Variants in HSD17B12 observed in about 807,000 individuals in gnomAD.
HSD17B12 encodes the protein very-long-chain 3-oxoacyl-CoA reductase.
A neutral mutation model predicts 39.3 loss-of-function variants in HSD17B12; 32 were observed. The ratio of observed to expected loss-of-function variants is 0.81; its 90% CI spans 0.61 to 1.09. The LOEUF (loss-of-function observed/expected upper bound fraction) is 1.09, where lower values mean the gene tolerates loss of function less well. Ranked by LOEUF, HSD17B12 falls within the 50% of genes least tolerant of loss-of-function variation. The pLI, the probability that HSD17B12 is intolerant of heterozygous loss-of-function variation, is 0.00. For synonymous variants in HSD17B12, 150 were observed against 146.7 expected, an observed-to-expected ratio of 1.02 and a Z score of -0.16; for missense variants, 342 against 382.9, an observed-to-expected ratio of 0.89 and a Z score of 0.89.
At chr11:43,774,739 A>G (rs993052559) in intron 3 of HSD17B12, among the ~76,000 whole-genome samples, 1 of 152,200 alleles carries the variant, frequency 6.6e-6, no homozygotes, top group African/African-American at 2.4e-5. Flanking sequence ...GACATGATCC[A>G]AGTAAGATAC....
chr11:43,854,750 T>A lies in HSD17B12; in HGVS notation c.720T>A (p.Ala240=). ...CATACTTCGTAGCTACAAAACTGGC[T>A]AAAATCCGGAAGCCAACTTTGGATA... ...VLPYFVATKL[A]KIRKPTLDKP... is the part of the protein sequence containing the mutation. Residue 240 remains alanine (A), a synonymous_variant, in exon 10 of 11, where the codon GCT becomes GCA. Transcript: ENST00000278353. 1 of 1,614,150 alleles carries A rather than the reference T, an allele frequency of 6.2e-7. No individual in the cohort carries two copies. The highest frequency in any genetic ancestry group is 8.5e-7 in the Non-Finnish European group (1 of 1,180,030).
chr11:43,705,577 C>T (rs1244881438), intron 1 of HSD17B12, among the ~76,000 whole-genome samples: 2 of 152,042 alleles, frequency 1.3e-5, no homozygotes, highest in Non-Finnish European at 2.9e-5. Flanking sequence ...TTTCTAATTA[C>T]GTTCCAAATC....
chr11:43,588,648 T>C, the HSD17B12 span, among the ~76,000 whole-genome samples: 1 of 97,468 alleles, frequency 1.0e-5, no homozygotes, highest in East Asian at 5.3e-4. Flanking sequence ...AGTGTTCTCT[T>C]TCCTGTCTGA....
chr11:43,597,530 ATAT>A, the HSD17B12 span, among the ~76,000 whole-genome samples: 3 of 152,316 alleles, frequency 2.0e-5, no homozygotes, highest in East Asian at 5.8e-4. Context: ...TCTGGTGATA[ATAT>A]TAGAGTGGTT....
At chr11:43,786,694 C>A (rs1368241050) in intron 3 of HSD17B12, among the ~76,000 whole-genome samples, 1 of 152,188 alleles carries the variant, frequency 6.6e-6, no homozygotes, top group Admixed American at 6.5e-5. Flanking sequence ...ATTTAAAAAA[C>A]AACATGACCT....
intron 3 of HSD17B12, among the ~76,000 whole-genome samples, chr11:43,760,341 C>A (rs1183027061): frequency 1.3e-5 from 2 of 152,116 alleles, no homozygotes; most frequent in African/African-American, 4.8e-5. Context: ...TAAGCCACTG[C>A]GCCCAGCCCA....
At chr11:43,753,112 A>G (rs768436832) in intron 2 of HSD17B12, among the ~76,000 whole-genome samples, 42 of 152,016 alleles carry the variant, frequency 2.8e-4, no homozygotes, top group Admixed American at 1.3e-4. Flanking sequence ...CTACTACTAT[A>G]TTTATGTGTC....
intron 6 of HSD17B12, among the ~76,000 whole-genome samples, chr11:43,817,610 TC>T (rs1364180372): frequency 2.0e-5 from 3 of 152,182 alleles, no homozygotes; most frequent in Admixed American, 6.5e-5. Context: ...GGGTGTCCTT[TC>T]TCCACTTTAT....
intron 3 of HSD17B12, chr11:43,754,937 A>G (rs1950496330): frequency 2.7e-6 from 2 of 751,224 alleles, no homozygotes; most frequent in Admixed American, 3.6e-5. Flanking sequence ...TACTCAATCA[A>G]CCAGATGGAT....
At chr11:43,748,213 G>A (rs1408986258) in intron 1 of HSD17B12, among the ~76,000 whole-genome samples, 1 of 152,070 alleles carries the variant, frequency 6.6e-6, no homozygotes, top group Non-Finnish European at 1.5e-5. Context: ...ATTAGTCCAG[G>A]TGCCCATCAA....
intron 6 of HSD17B12, among the ~76,000 whole-genome samples, chr11:43,818,605 T>G (rs188078987): frequency 1.3e-5 from 2 of 152,310 alleles, no homozygotes; most frequent in East Asian, 3.9e-4. Flanking sequence ...TTTAAGGAAA[T>G]TCAAAGCATG....
At chr11:43,576,116 A>G in the HSD17B12 span, among the ~76,000 whole-genome samples, 2 of 152,196 alleles carry the variant, frequency 1.3e-5, no homozygotes, top group Admixed American at 6.5e-5. Context: ...CAGCTCTAAG[A>G]ATACAACCAC....
chr11:43,729,292 T>A (rs1950248058), intron 1 of HSD17B12, among the ~76,000 whole-genome samples: 1 of 152,212 alleles, frequency 6.6e-6, no homozygotes, highest in South Asian at 2.1e-4. Flanking sequence ...CAAGTTTATA[T>A]GTTTAGTAGT....
intron 3 of HSD17B12, among the ~76,000 whole-genome samples, chr11:43,757,639 CA>C (rs60598991): frequency 1.4e-3 from 10 of 7,196 alleles, no homozygotes; most frequent in Admixed American, 2.5e-3. Flanking sequence ...GACTCCGTCT[CA>C]AAAAAAAAAA....
intron 7 of HSD17B12, among the ~76,000 whole-genome samples, chr11:43,832,370 T>G (rs1032003009): frequency 6.6e-6 from 1 of 152,216 alleles, no homozygotes; most frequent in Non-Finnish European, 1.5e-5. Context: ...GTAAAAGGAA[T>G]TTTTAATTAT....
At chr11:43,580,381 C>CG in the HSD17B12 span, among the ~76,000 whole-genome samples, 202 of 8,276 alleles carry the variant, frequency 0.024, 1 homozygote, top group African/African-American at 0.1. Context: ...GAGTTGGGGG[C>CG]GGGGGGGTGG....
At chr11:43,850,477 C>T (rs926924965) in intron 9 of HSD17B12, among the ~76,000 whole-genome samples, 1 of 152,076 alleles carries the variant, frequency 6.6e-6, no homozygotes, top group Non-Finnish European at 1.5e-5. Context: ...ATACACTAGA[C>T]CCTAGTGTAT....
At chr11:43,813,588 T>C (rs1368816298) in intron 4 of HSD17B12, among the ~76,000 whole-genome samples, 1 of 152,212 alleles carries the variant, frequency 6.6e-6, no homozygotes, top group East Asian at 1.9e-4. Context: ...GCTGTTTCTT[T>C]TAGTCATATT....
the HSD17B12 span, among the ~76,000 whole-genome samples, chr11:43,612,868 C>G: frequency 1.2e-3 from 181 of 152,198 alleles, no homozygotes; most frequent in African/African-American, 4.2e-3. Context: ...TGCTGTGGAA[C>G]TGGGTGAGAA....
Sources: allele counts gnomAD v4.1 joint callset (sites outside exome capture counted in the v4.1 genomes callset), GRCh38; gene constraint gnomAD v4.1.1; transcripts MANE v1.5; gene names NCBI Gene and HGNC (gene_info 2026-07-23, HGNC 2026-07-21).